Variants in ANKRD11 observed in about 807,000 individuals in gnomAD.
ANKRD11 encodes ankyrin repeat domain 11.
ANKRD11 carries 17 observed loss-of-function variants against 195.7 expected under a neutral mutation model. The ratio of observed to expected loss-of-function variants is 0.09; its 90% CI spans 0.06 to 0.13. The LOEUF (loss-of-function observed/expected upper bound fraction) is 0.13, where lower values mean the gene tolerates loss of function less well. Among genes scored for constraint, ANKRD11 ranks in the 10% least tolerant of loss-of-function variants. The pLI, the probability that ANKRD11 is intolerant of heterozygous loss-of-function variation, is 1.00. For synonymous variants in ANKRD11, 1,953 were observed against 1,528.1 expected (o/e 1.28, Z -6.49); for missense variants, 3,735 against 3,566.1 (o/e 1.05, Z -1.21).
At chr16:89,417,325 C>A (rs1453836517) in intron 2 of ANKRD11, among the ~76,000 whole-genome samples, 1 of 152,182 alleles carries the variant, frequency 6.6e-6, no homozygotes, top group Non-Finnish European at 1.5e-5. Context: ...ACTTTAAAAC[C>A]ATGACTCACA....
chr16:89,357,074 C>T (rs1430848495), intron 2 of ANKRD11, among the ~76,000 whole-genome samples: 1 of 152,192 alleles, frequency 6.6e-6, no homozygotes, highest in Non-Finnish European at 1.5e-5. Flanking sequence ...ACAGAATAGC[C>T]AAAGGGCAGT....
intron 2 of ANKRD11, among the ~76,000 whole-genome samples, chr16:89,333,552 C>T (rs2038178619): frequency 6.6e-6 from 1 of 152,254 alleles, no homozygotes; most frequent in African/African-American, 2.4e-5. Context: ...CCCCTGGCGT[C>T]ACTGATCTTT....
intron 2 of ANKRD11, among the ~76,000 whole-genome samples, chr16:89,396,981 G>T (rs1345420033): frequency 1.3e-5 from 2 of 152,062 alleles, no homozygotes; most frequent in Non-Finnish European, 2.9e-5. Flanking sequence ...TGAGCCAGGG[G>T]ACTTGACCAG....
intron 1 of ANKRD11, among the ~76,000 whole-genome samples, chr16:89,462,934 GA>G (rs1314423391): frequency 6.6e-6 from 1 of 151,194 alleles, no homozygotes; most frequent in Admixed American, 6.6e-5. Flanking sequence ...CCCCGTCCGG[GA>G]GGGAGGTGGA....
intron 1 of ANKRD11, among the ~76,000 whole-genome samples, chr16:89,478,088 A>C (rs2057316796): frequency 1.3e-5 from 2 of 152,250 alleles, no homozygotes; most frequent in Admixed American, 1.3e-4. Flanking sequence ...CAATGGCTTA[A>C]TGAGAGGAGC....
At position 89,280,895 on chromosome 16, in the gene ANKRD11, A is replaced by G. The variant is rs781599620; in HGVS notation, c.5647T>C (p.Phe1883Leu). 6.2e-7 allele frequency: 1 copy of G among 1,604,074 alleles called. No homozygotes were observed. Among genetic ancestry groups the G allele is most frequent in the Non-Finnish European group, 8.5e-7 (1 of 1,172,954 alleles). The change falls in exon 9 of 13, where the codon TTC (phenylalanine) becomes CTC (leucine). Residue 1883 changes from phenylalanine (F) to leucine (L), a missense_variant. By Grantham distance (22) the Phe-to-Leu change is conservative. Coordinates refer to ENST00000301030, the MANE Select transcript of ANKRD11 (RefSeq NM_013275.6). ...VTVTPSPEGV[F>L]SSLQAKPSPS... is the part of the protein sequence containing the mutation. The stretch of plus-strand genomic sequence containing the variant: ...GAAGGTTTTGCTTGTAAACTTGAGA[A>G]GACGCCCTCTGGAGACGGGGTGACA...
At chr16:89,373,634 G>A (rs1344605192) in intron 2 of ANKRD11, 2 of 152,200 alleles carry the variant, frequency 1.3e-5, no homozygotes, top group Non-Finnish European at 2.9e-5. Context: ...ACATTCCCAC[G>A]AGCTGCTTTA....
intron 2 of ANKRD11, among the ~76,000 whole-genome samples, chr16:89,339,216 T>C (rs2038534749): frequency 6.6e-6 from 1 of 152,238 alleles, no homozygotes; most frequent in Non-Finnish European, 1.5e-5. Context: ...TTCAGTCCAT[T>C]ATCACAATGA....
chr16:89,419,765 CA>C (rs1478794592), intron 1 of ANKRD11, among the ~76,000 whole-genome samples: 1 of 152,164 alleles, frequency 6.6e-6, no homozygotes, highest in African/African-American at 2.4e-5. Context: ...ATGCGTTTTG[CA>C]AAGATGGAGT....
chr16:89,489,577 A>C (rs1597578583), intron 1 of ANKRD11, among the ~76,000 whole-genome samples: 1 of 151,562 alleles, frequency 6.6e-6, no homozygotes, highest in African/African-American at 2.4e-5. Context: ...CAGCGATAAT[A>C]ATAGGGACGC....
chr16:89,368,472 C>T (rs960260148), intron 2 of ANKRD11, among the ~76,000 whole-genome samples: 1 of 148,312 alleles, frequency 6.7e-6, no homozygotes, highest in Non-Finnish European at 1.5e-5. Context: ...CCACCTGCCT[C>T]GGCCTCCGAA....
chr16:89,271,456 G>A (rs1597397891), intron 11 of ANKRD11: 1 of 212,016 alleles, frequency 4.7e-6, no homozygotes, highest in Non-Finnish European at 9.7e-6. Context: ...TTCTAGATAT[G>A]TCACCGTCCT....
intron 1 of ANKRD11, among the ~76,000 whole-genome samples, chr16:89,434,066 T>A (rs1056714231): frequency 6.6e-6 from 1 of 152,084 alleles, no homozygotes; most frequent in African/African-American, 2.4e-5. Flanking sequence ...GATGCCCACC[T>A]ACCCTGCCTG....
intron 3 of ANKRD11, among the ~76,000 whole-genome samples, chr16:89,310,200 G>C (rs916450726): frequency 7.2e-5 from 11 of 152,210 alleles, no homozygotes; most frequent in African/African-American, 2.7e-4. Flanking sequence ...TATCCAAACT[G>C]TCTATGTGCG....
intron 4 of ANKRD11, among the ~76,000 whole-genome samples, chr16:89,302,179 C>T (rs921598192): frequency 6.6e-5 from 10 of 152,228 alleles, no homozygotes; most frequent in African/African-American, 1.9e-4. Context: ...GGAGGGGACG[C>T]GGCGTGTGTG....
chr16:89,465,967 C>G (rs1354556007), intron 1 of ANKRD11, among the ~76,000 whole-genome samples: 1 of 152,170 alleles, frequency 6.6e-6, no homozygotes, highest in Non-Finnish European at 1.5e-5. Flanking sequence ...GCCTCGGCCT[C>G]CCAAAGTGCT....
At chr16:89,330,661 G>T (rs894749044) in intron 2 of ANKRD11, among the ~76,000 whole-genome samples, 7 of 13,052 alleles carry the variant, frequency 5.4e-4, no homozygotes, top group Non-Finnish European at 2.9e-3. Context: ...AGTGACTGGG[G>T]GGGGGGGGGG....
At chr16:89,384,600 C>T (rs114047490) in intron 2 of ANKRD11, among the ~76,000 whole-genome samples, 3,143 of 152,138 alleles carry the variant, frequency 0.021, 123 homozygotes, top group African/African-American at 0.072. Context: ...CAGGACAGAG[C>T]AGGGCAGCTT....
chr16:89,272,328 A>G (rs1245658925), intron 11 of ANKRD11: 3 of 152,248 alleles, frequency 2.0e-5, no homozygotes, highest in Non-Finnish European at 4.4e-5. Flanking sequence ...CGTGGAGAAC[A>G]GTTTGGCGTT....
Sources: allele counts gnomAD v4.1 joint callset (sites outside exome capture counted in the v4.1 genomes callset), GRCh38; gene constraint gnomAD v4.1.1; transcripts MANE v1.5; gene names NCBI Gene and HGNC (gene_info 2026-07-23, HGNC 2026-07-21).